SYT16: variants seen among roughly 807,000 people sequenced by gnomAD.
The protein encoded by SYT16 is synaptotagmin-16.
In SYT16, 42 loss-of-function variants were observed where a neutral mutation model predicts 61.4. The observed-to-expected ratio is 0.68, with a 90% CI of 0.53 to 0.89. SYT16 has a LOEUF of 0.89. Ranked by LOEUF, SYT16 falls within the 40% of genes least tolerant of loss-of-function variation. The probability of loss-of-function intolerance (pLI) is 0.00; values close to 1 mark genes in which losing one functional copy is unlikely to be tolerated. For missense variants in SYT16, 804 were observed against 807.3 expected, an observed-to-expected ratio of 1.00 and a Z score of 0.05; for synonymous variants, 314 against 302.3, an observed-to-expected ratio of 1.04 and a Z score of -0.40.
intron 3 of SYT16, among the ~76,000 whole-genome samples, chr14:62,052,980 G>C (rs532516851): frequency 1.3e-5 from 2 of 152,348 alleles, no homozygotes; most frequent in South Asian, 4.1e-4. Context: ...GGGTGCTGCT[G>C]TAATAAATAT....
At chr14:61,891,202 C>T (rs1342698130) in intron 1 of SYT16, among the ~76,000 whole-genome samples, 2 of 151,520 alleles carry the variant, frequency 1.3e-5, no homozygotes, top group African/African-American at 2.4e-5. Flanking sequence ...ATCTTTTGGT[C>T]CACCTTCCAG....
intron 1 of SYT16, among the ~76,000 whole-genome samples, chr14:61,870,138 T>C (rs1025712328): frequency 6.6e-6 from 1 of 152,234 alleles, no homozygotes; most frequent in Non-Finnish European, 1.5e-5. Context: ...ACTGAAGGAC[T>C]TCCTTTACTA....
chr14:62,010,517 G>T (rs973763434), intron 3 of SYT16, among the ~76,000 whole-genome samples: 1 of 152,002 alleles, frequency 6.6e-6, no homozygotes, highest in Admixed American at 6.6e-5. Context: ...TTTGGTATTC[G>T]ATTGATTCAC....
In SYT16 at chr14:61,942,920, C is replaced by CA. The variant is rs562087969; in HGVS notation, c.-324-27205dup. On this transcript the variant is annotated intron_variant, in intron 1 of 7. Transcript: ENST00000683842. The stretch of plus-strand genomic sequence containing the variant: ...GGAGATAGAGACATGAAAAACCCTT[C>CA]AAAAAAATCAATGAATCCAGGAGCT... Among the ~76,000 whole-genome samples, 7 of 151,918 alleles carry CA rather than the reference C, an allele frequency of 4.6e-5. No homozygotes were observed. The South Asian group carries it at 8.3e-4, about 18-fold the overall frequency.
intron 5 of SYT16, among the ~76,000 whole-genome samples, chr14:62,078,893 A>G (rs1027371428): frequency 6.6e-6 from 1 of 152,256 alleles, no homozygotes; most frequent in Non-Finnish European, 1.5e-5. Context: ...TAGAGCCCAT[A>G]TAGGCTGTGC....
At chr14:61,947,182 G>A (rs2050472730) in intron 1 of SYT16, among the ~76,000 whole-genome samples, 2 of 151,718 alleles carry the variant, frequency 1.3e-5, no homozygotes, top group South Asian at 2.1e-4. Flanking sequence ...CAGAATGCAC[G>A]GAGAATCCTG....
intron 2 of SYT16, among the ~76,000 whole-genome samples, chr14:61,980,437 T>C (rs2052020982): frequency 6.6e-6 from 1 of 152,206 alleles, no homozygotes. Context: ...GTTACTTGAC[T>C]AAGGCACAAA....
chr14:61,960,930 A>G (rs563105675), intron 1 of SYT16, among the ~76,000 whole-genome samples: 34 of 152,312 alleles, frequency 2.2e-4, no homozygotes, highest in African/African-American at 7.2e-4. Context: ...ACTTGTGTCA[A>G]TGGAACAGAA....
intron 1 of SYT16, among the ~76,000 whole-genome samples, chr14:61,940,176 C>T (rs188555044): frequency 6.6e-5 from 10 of 152,182 alleles, no homozygotes; most frequent in South Asian, 6.2e-4. Context: ...GTCCTTTTCA[C>T]GGGGTTAGCA....
rs377440136 is a variant in SYT16 at position 61,965,421 on chromosome 14, T to A, written c.-324-4711T>A. Reference sequence around the variant, plus strand: ...AATAGATTCCGGAAGAAACATGAACTCTTTTGAAATAACCAAACTTGCCTT... The same window carrying A: ...AATAGATTCCGGAAGAAACATGAACACTTTTGAAATAACCAAACTTGCCTT... On this transcript the variant is annotated intron_variant, in intron 1 of 7. Coordinates refer to ENST00000683842, the MANE Select transcript of SYT16 (RefSeq NM_001367656.1). 6.6e-5 allele frequency among the ~76,000 whole-genome samples: 10 copies of A among 152,254 alleles called. 1 individual carries two copies. The South Asian group carries it at 1.9e-3, about 28-fold the overall frequency.
At chr14:61,855,353 G>A (rs185096008) in intron 1 of SYT16, among the ~76,000 whole-genome samples, 93 of 152,278 alleles carry the variant, frequency 6.1e-4, no homozygotes, top group Middle Eastern at 3.4e-3. Context: ...TCAACCCATC[G>A]TAAGTTGAAA....
chr14:62,035,289 A>C (rs965409054), intron 3 of SYT16, among the ~76,000 whole-genome samples: 1 of 152,184 alleles, frequency 6.6e-6, no homozygotes, highest in African/African-American at 2.4e-5. Context: ...GTTGTTTAGT[A>C]TCTTATTTTT....
chr14:62,057,053 C>A (rs1426649060), intron 3 of SYT16, among the ~76,000 whole-genome samples: 1 of 152,150 alleles, frequency 6.6e-6, no homozygotes, highest in Non-Finnish European at 1.5e-5. Context: ...AAAGCCCAGG[C>A]CGTGCAAAGG....
chr14:61,978,833 C>A (rs2051931336), intron 2 of SYT16, among the ~76,000 whole-genome samples: 2 of 152,148 alleles, frequency 1.3e-5, no homozygotes, highest in African/African-American at 4.8e-5. Context: ...GCTTTTCCTC[C>A]CCACTGCCCC....
In SYT16 at chr14:62,067,925, G is replaced by T. The variant is rs145490572; in HGVS notation, c.524-1678G>T. Among the ~76,000 whole-genome samples the T allele has an allele frequency of 1.2e-3, 188 of 152,330 alleles. 2 individuals carry two copies. The highest frequency in any genetic ancestry group is 5.4e-3 in the Admixed American group (83 of 15,312). On this transcript the variant is annotated intron_variant, in intron 3 of 7. Coordinates refer to ENST00000683842, the MANE Select transcript of SYT16 (RefSeq NM_001367656.1). ...TGCTTGAACCTAGGAGACAGAGGTT[G>T]CAGTGAGCTGAGATTGTGGCACTGC...
intron 1 of SYT16, among the ~76,000 whole-genome samples, chr14:61,836,382 G>C (rs549304128): frequency 1.1e-4 from 16 of 152,260 alleles, no homozygotes; most frequent in African/African-American, 3.6e-4. Flanking sequence ...ACAAACATCA[G>C]CAGTCCATTC....
chr14:61,913,300 G>C (rs1224455620), intron 1 of SYT16, among the ~76,000 whole-genome samples: 2 of 152,144 alleles, frequency 1.3e-5, no homozygotes, highest in Non-Finnish European at 2.9e-5. Context: ...TTTGTGGAAA[G>C]GATGAATGAA....
In SYT16 at chr14:62,069,463, AT is replaced by A. The variant is rs996625704; in HGVS notation, c.524-132del. 38 of 820,008 alleles carry A rather than the reference AT, an allele frequency of 4.6e-5. No individual in the cohort carries two copies. The Admixed American group carries it at 4.8e-4, about 10-fold the overall frequency. The allele number at this position is 820,008 out of a possible 1,614,324, so 50.8% of individuals were successfully genotyped here. On this transcript the variant is annotated intron_variant, in intron 3 of 7. Coordinates refer to ENST00000683842, the MANE Select transcript of SYT16 (RefSeq NM_001367656.1). ...AATTTGTGTTGCAAAAGTGCTTTAA[AT>A]TTTTTTTCTATCCAGTTTGAGTGTG...
intron 1 of SYT16, chr14:61,832,234 CG>C: frequency 1.6e-6 from 1 of 624,794 alleles, no homozygotes; most frequent in South Asian, 1.4e-5. Context: ...ACATCGGGTA[CG>C]GGATAGTCAC....
Sources: allele counts gnomAD v4.1 joint callset (sites outside exome capture counted in the v4.1 genomes callset), GRCh38; gene constraint gnomAD v4.1.1; transcripts MANE v1.5; gene names NCBI Gene and HGNC (gene_info 2026-07-23, HGNC 2026-07-21).